FAM174B: variants seen among roughly 807,000 people sequenced by gnomAD.
The protein encoded by FAM174B is family with sequence similarity 174 member B.
FAM174B carries 12 observed loss-of-function variants against 10.9 expected under a neutral mutation model. The ratio of observed to expected loss-of-function variants is 1.10; its 90% CI spans 0.71 to 1.79. FAM174B has a LOEUF of 1.79. Among genes scored for constraint, FAM174B ranks in the 40% most tolerant of loss-of-function variants. The pLI is 0.00. For missense variants in FAM174B, 266 were observed against 233.3 expected, an observed-to-expected ratio of 1.14 and a Z score of -0.91; for synonymous variants, 132 against 115.8, an observed-to-expected ratio of 1.14 and a Z score of -0.90.
intron 1 of FAM174B, among the ~76,000 whole-genome samples, chr15:92,640,743 A>G (rs1414233688): frequency 6.6e-6 from 1 of 151,846 alleles, no homozygotes; most frequent in Non-Finnish European, 1.5e-5. Context: ...CTCCCAGGTT[A>G]AAGTGTTTAT....
intron 2 of FAM174B, among the ~76,000 whole-genome samples, chr15:92,621,993 G>A (rs148616606): frequency 6.6e-5 from 10 of 152,308 alleles, no homozygotes; most frequent in African/African-American, 2.2e-4. Flanking sequence ...ACCAAGAATC[G>A]GAGCTGAGGG....
rs2050699392 is a variant in FAM174B, at chr15:92,618,900, G to A, written c.*556C>T. The A allele has an allele frequency of 5.2e-6, 2 of 381,558 alleles. No homozygotes were observed. The highest frequency in any genetic ancestry group is 9.3e-6 in the Non-Finnish European group (2 of 213,922). 23.6% of individuals were successfully genotyped at this position (381,558 alleles called of 1,614,324 possible). On this transcript the variant is annotated 3_prime_UTR_variant, in exon 3 of 3. Coordinates refer to ENST00000327355, the MANE Select transcript of FAM174B (RefSeq NM_207446.3). ...ACAGACGTGTCCAGGTCTGGAAGGGGCTGACCAGCTCTAAGCACATCCACC... is the reference window on the plus strand; with the variant it reads ...ACAGACGTGTCCAGGTCTGGAAGGGACTGACCAGCTCTAAGCACATCCACC...
chr15:92,631,708 G>C (rs548022311), intron 1 of FAM174B, among the ~76,000 whole-genome samples: 4 of 150,750 alleles, frequency 2.7e-5, no homozygotes, highest in Non-Finnish European at 5.9e-5. Flanking sequence ...CTGTTAGCCA[G>C]GATGGTCTCG....
chr15:92,622,350 G>A (rs1160542785), intron 2 of FAM174B, among the ~76,000 whole-genome samples: 1 of 152,240 alleles, frequency 6.6e-6, no homozygotes, highest in Admixed American at 6.5e-5. Context: ...GCCTGCCCAG[G>A]TCAGGCCTGG....
rs1249472116 is a variant in FAM174B, at chr15:92,655,742, G to C, written c.-83C>G. On this transcript the variant is annotated 5_prime_UTR_variant, in exon 1 of 3. Coordinates refer to ENST00000327355, the MANE Select transcript of FAM174B (RefSeq NM_207446.3). ...GCACCAGCACGGAGGCCTGCACCGG[G>C]GGATCCTGCGGCGGAGGCGGCTGCG... 2.7e-6 allele frequency: 3 copies of C among 1,131,764 alleles called. No individual in the cohort carries two copies. The highest frequency in any genetic ancestry group is 3.3e-6 in the Non-Finnish European group (3 of 909,090). The allele number at this position is 1,131,764 out of a possible 1,614,324, so 70.1% of individuals were successfully genotyped here.
intron 1 of FAM174B, among the ~76,000 whole-genome samples, chr15:92,648,919 G>T (rs1348673663): frequency 6.6e-6 from 1 of 152,146 alleles, no homozygotes; most frequent in Non-Finnish European, 1.5e-5. Flanking sequence ...TAAATTCATG[G>T]TCCCAGGATT....
chr15:92,648,796 G>T (rs1435844530), intron 1 of FAM174B, among the ~76,000 whole-genome samples: 1 of 152,142 alleles, frequency 6.6e-6, no homozygotes, highest in Non-Finnish European at 1.5e-5. Context: ...GTGAGAAAGG[G>T]TTTCCTCCTC....
At chr15:92,631,315 TAATATTATATATAATATATTA>T (rs1271227821) in intron 1 of FAM174B, among the ~76,000 whole-genome samples, 29 of 794 alleles carry the variant, frequency 0.037, 8 homozygotes, top group Non-Finnish European at 0.1. Flanking sequence ...ATATTATATA[TAATATTATATATAATATATTA>T]TATATTATAT....
rs1378803506 is a variant in FAM174B at position 92,655,326 on chromosome 15, G to T, written c.334C>A (p.Arg112Ser). The change falls in exon 1 of 3, where the codon CGC (arginine) becomes AGC (serine). Residue 112 changes from arginine (R) to serine (S), a missense_variant. By Grantham distance (110) the Arg-to-Ser change is moderately radical. Transcript: ENST00000327355. ...GGCGGGAGGGCCCACCTGAAGACGC[G>T]CAGCAGCAGGCAGGCGATGAGGAGG... The part of the protein sequence containing the change: ...TTLLIACLLL[R>S]VFRSGKRLKK... The T allele has an allele frequency of 1.3e-6, 2 of 1,559,146 alleles. No individual in the cohort carries two copies. Among genetic ancestry groups the T allele is most frequent in the Non-Finnish European group, 8.7e-7 (1 of 1,151,570 alleles).
intron 2 of FAM174B, among the ~76,000 whole-genome samples, chr15:92,622,229 C>T (rs1314474296): frequency 6.6e-6 from 1 of 152,246 alleles, no homozygotes; most frequent in East Asian, 1.9e-4. Context: ...TTGCTGTCTA[C>T]ATCCGTGTGC....
Position 92,630,021 on chromosome 15 carries a change from T to C in FAM174B, c.476+193A>G, listed in dbSNP as rs528894594. On this transcript the variant is annotated intron_variant, in intron 2 of 2. Transcript: ENST00000327355. ...AAACCTCTCTTTATACATTTCCTAG[T>C]CCCAGGTATGTCTTTATTAGCAGCA... The C allele has an allele frequency of 1.1e-3, 511 of 466,486 alleles. 1 individual carries two copies. The highest frequency in any genetic ancestry group is 1.7e-3 in the Non-Finnish European group (452 of 262,238). The allele number at this position is 466,486 out of a possible 1,614,324, so 28.9% of individuals were successfully genotyped here. A position where few individuals can be genotyped will look rare whatever the true frequency, so the allele number is the denominator to read the frequency against.
intron 2 of FAM174B, among the ~76,000 whole-genome samples, chr15:92,622,565 C>A (rs913274775): frequency 6.6e-6 from 1 of 152,372 alleles, no homozygotes; most frequent in Middle Eastern, 3.4e-3. Flanking sequence ...TTCCCTGTGG[C>A]CATCTATTGG....
At chr15:92,636,533 C>G (rs551854289) in intron 1 of FAM174B, among the ~76,000 whole-genome samples, 1 of 152,308 alleles carries the variant, frequency 6.6e-6, no homozygotes, top group South Asian at 2.1e-4. Flanking sequence ...AGCAGGCAGT[C>G]CAGTGACCAG....
chr15:92,630,087 G>C (rs780822928), intron 2 of FAM174B, 127 bp downstream of exon 2: 3 of 838,450 alleles, frequency 3.6e-6, no homozygotes, highest in Non-Finnish European at 5.7e-6. Flanking sequence ...GTCTCTCCAC[G>C]TGCAGAACAC....
rs186472159 is a variant in FAM174B, at chr15:92,630,873, T to C, written c.345-528A>G. On this transcript the variant is annotated intron_variant, in intron 1 of 2. Coordinates refer to ENST00000327355, the MANE Select transcript of FAM174B (RefSeq NM_207446.3). ...ATTACATGTTACATATTACATATTATATATTATATATTACGTATTACATAT... is the reference window on the plus strand; with the variant it reads ...ATTACATGTTACATATTACATATTACATATTATATATTACGTATTACATAT... 5.2e-3 allele frequency among the ~76,000 whole-genome samples: 245 copies of C among 46,926 alleles called. No homozygotes were observed. In the Middle Eastern group the frequency reaches 0.068, roughly 13 times the overall value. 30.8% of individuals were successfully genotyped at this position (46,926 alleles called of 152,430 possible). A position where few individuals can be genotyped will look rare whatever the true frequency, so the allele number is the denominator to read the frequency against.
chr15:92,628,140 A>C (rs1440626964), intron 2 of FAM174B, among the ~76,000 whole-genome samples: 1 of 151,258 alleles, frequency 6.6e-6, no homozygotes, highest in Non-Finnish European at 1.5e-5. Context: ...GATTTGTATT[A>C]TTTTCATTGT....
At chr15:92,628,009 A>G (rs542908572) in intron 2 of FAM174B, among the ~76,000 whole-genome samples, 3 of 152,334 alleles carry the variant, frequency 2.0e-5, no homozygotes, top group Non-Finnish European at 4.4e-5. Flanking sequence ...AGTCTTTTAT[A>G]TCAAACGGTG....
intron 1 of FAM174B, among the ~76,000 whole-genome samples, chr15:92,639,647 G>A (rs2050877534): frequency 6.6e-6 from 1 of 152,172 alleles, no homozygotes; most frequent in African/African-American, 2.4e-5. Flanking sequence ...TGGATCATGG[G>A]GGTGGGCCTT....
chr15:92,622,615 G>A (rs1318387960), intron 2 of FAM174B, among the ~76,000 whole-genome samples: 1 of 152,246 alleles, frequency 6.6e-6, no homozygotes, highest in South Asian at 2.1e-4. Context: ...GGCTTGGGGG[G>A]CAGAGGCTCA....
Sources: allele counts gnomAD v4.1 joint callset (sites outside exome capture counted in the v4.1 genomes callset), GRCh38; gene constraint gnomAD v4.1.1; transcripts MANE v1.5; gene names NCBI Gene and HGNC (gene_info 2026-07-23, HGNC 2026-07-21).